Variants in LRR1 observed in about 807,000 individuals in gnomAD.
The protein encoded by LRR1 is leucine rich repeat protein 1.
Under a neutral mutation model 31.6 loss-of-function variants are expected in LRR1, and 29 were observed. The observed-to-expected ratio is 0.92, with a 90% CI of 0.68 to 1.25. The LOEUF (loss-of-function observed/expected upper bound fraction) is 1.25. Among genes scored for constraint, LRR1 ranks in the 50% most tolerant of loss-of-function variants. The probability of loss-of-function intolerance (pLI) is 0.00; values close to 1 mark genes in which losing one functional copy is unlikely to be tolerated. For synonymous variants in LRR1, 179 were observed against 181.4 expected (o/e 0.99, Z 0.10); for missense variants, 485 against 487.2 (o/e 1.00, Z 0.04).
chr14:49,599,785 C>T (rs1232008349), intron 1 of LRR1, among the ~76,000 whole-genome samples: 1 of 146,500 alleles, frequency 6.8e-6, no homozygotes, highest in African/African-American at 2.4e-5. Flanking sequence ...GGCGGGGATC[C>T]GGGCGGCGAC....
In LRR1 at chr14:49,600,902, C is replaced by T; in HGVS notation, c.184-1468C>T. 5 of 1,413,798 alleles carry T rather than the reference C, an allele frequency of 3.5e-6. No individual in the cohort carries two copies. The South Asian group carries it at 7.1e-5, about 20-fold the overall frequency. 87.6% of individuals were successfully genotyped at this position (1,413,798 alleles called of 1,614,324 possible). ...AAGCTACAATCACATCATGTTGTAA[C>T]TACATAAAAAACAGAGCTGTAGATG... On this transcript the variant is annotated intron_variant, in intron 1 of 3. Coordinates refer to ENST00000298288, the MANE Select transcript of LRR1 (RefSeq NM_152329.4).
chr14:49,601,649 G>A, intron 1 of LRR1: 1 of 1,289,484 alleles, frequency 7.8e-7, no homozygotes, highest in Middle Eastern at 2.1e-4. Context: ...AAGTTATGAA[G>A]GCAAGTAACT....
At chr14:49,610,250 T>G (rs985700563) in intron 3 of LRR1, among the ~76,000 whole-genome samples, 4 of 149,442 alleles carry the variant, frequency 2.7e-5, no homozygotes, top group Non-Finnish European at 6.0e-5. Flanking sequence ...GTTGAGGGTT[T>G]TTTTTTTTTT....
chr14:49,603,883 G>A (rs1566493183), intron 2 of LRR1, among the ~76,000 whole-genome samples: 6 of 151,072 alleles, frequency 4.0e-5, no homozygotes, highest in Middle Eastern at 3.4e-3. Flanking sequence ...TAGTAGAGAC[G>A]GGTTTCACCA....
chr14:49,608,126 G>T lies in LRR1; in HGVS notation c.1004+5G>T. On this transcript the variant is annotated splice_donor_5th_base_variant and intron_variant, in intron 3 of 3. Transcript: ENST00000298288. Reference sequence around the variant, plus strand: ...ACGAACCATATTACATAATAGGTAAGATTTTAATAGTCATGTAATGTGGTG... The same window carrying T: ...ACGAACCATATTACATAATAGGTAATATTTTAATAGTCATGTAATGTGGTG... 6.5e-7 allele frequency: 1 copy of T among 1,542,192 alleles called. No individual in the cohort carries two copies. Among genetic ancestry groups the T allele is most frequent in the Non-Finnish European group, 8.7e-7 (1 of 1,152,130 alleles).
chr14:49,613,893 G>A (rs1882605752), intron 3 of LRR1, among the ~76,000 whole-genome samples: 1 of 152,192 alleles, frequency 6.6e-6, no homozygotes, highest in South Asian at 2.1e-4. Flanking sequence ...AGCAAGGTAA[G>A]GTTAGCCTTA....
intron 3 of LRR1, among the ~76,000 whole-genome samples, chr14:49,611,224 C>G (rs1473856564): frequency 2.0e-5 from 3 of 152,148 alleles, no homozygotes; most frequent in Admixed American, 1.3e-4. Context: ...CGCCTGTAAC[C>G]CCAGCACTTT....
chr14:49,599,574 A>T (rs1394580476), intron 1 of LRR1, among the ~76,000 whole-genome samples: 1 of 152,202 alleles, frequency 6.6e-6, no homozygotes, highest in East Asian at 1.9e-4. Context: ...AAATAACTGC[A>T]GTTCTGTTCA....
intron 3 of LRR1, among the ~76,000 whole-genome samples, chr14:49,610,485 C>T (rs1336332924): frequency 2.0e-5 from 3 of 151,806 alleles, no homozygotes; most frequent in African/African-American, 7.3e-5. Flanking sequence ...GAACTCCTGG[C>T]CTCAAGCAAT....
At chr14:49,613,353 A>G (rs996467386) in intron 3 of LRR1, among the ~76,000 whole-genome samples, 1 of 151,812 alleles carries the variant, frequency 6.6e-6, no homozygotes, top group Admixed American at 6.6e-5. Flanking sequence ...AAAAAAAAAA[A>G]AATTAGCCGG....
chr14:49,608,622 A>G (rs556122363), intron 3 of LRR1, among the ~76,000 whole-genome samples: 149 of 151,390 alleles, frequency 9.8e-4, no homozygotes, highest in Middle Eastern at 3.4e-3. Flanking sequence ...TAAGCACTCA[A>G]TAAGTAGTTA....
rs775229347 is a variant in LRR1, at chr14:49,599,048, A to G, written c.28A>G (p.Ile10Val). ...GAAGCTACACTGTGAGGTGGAGGTGATCAGCCGGCACTTGCCCGCCTTGGG... is the reference window on the plus strand; with the variant it reads ...GAAGCTACACTGTGAGGTGGAGGTGGTCAGCCGGCACTTGCCCGCCTTGGG... MKLHCEVEVISRHLPALGLR... is the reference protein window; with the variant it reads MKLHCEVEVVSRHLPALGLR... The change falls in exon 1 of 4, where the codon ATC (isoleucine) becomes GTC (valine). Residue 10 changes from isoleucine to valine, a missense_variant. By Grantham distance (29) the Ile-to-Val change is conservative (BLOSUM62 3). Around this residue, in one of 3 missense-constraint regions of LRR1, gnomAD observed 260 missense variants for 249.6 expected, o/e 1.04. Coordinates refer to ENST00000298288, the MANE Select transcript of LRR1 (RefSeq NM_152329.4). 4 of 1,609,444 alleles carry G rather than the reference A, an allele frequency of 2.5e-6. No individual in the cohort carries two copies. The East Asian group carries it at 8.9e-5, about 36-fold the overall frequency.
In LRR1 at chr14:49,600,945, C is replaced by T; in HGVS notation, c.184-1425C>T. 3 of 1,551,802 alleles carry T rather than the reference C, an allele frequency of 1.9e-6. No individual in the cohort carries two copies. In the South Asian group the frequency reaches 3.6e-5, roughly 18 times the overall value. ...TGTAGATGGAACTGCTTGGCTTTGA[C>T]CATACACATTTCTGCACAGCCCTTA... is the stretch of plus-strand genomic sequence containing the variant. On this transcript the variant is annotated intron_variant, in intron 1 of 3. Transcript: ENST00000298288.
intron 3 of LRR1, chr14:49,612,426 A>G: frequency 8.5e-7 from 1 of 1,173,684 alleles, no homozygotes; most frequent in South Asian, 1.6e-5. Context: ...AAGTTATGTC[A>G]GATAGAAAAT....
intron 1 of LRR1, chr14:49,601,593 G>C: frequency 7.8e-7 from 1 of 1,285,692 alleles, no homozygotes; most frequent in Non-Finnish European, 1.0e-6. Context: ...CATGGAGTTT[G>C]TATATAACCT....
chr14:49,610,380 A>G (rs1406597688), intron 3 of LRR1, among the ~76,000 whole-genome samples: 2 of 151,450 alleles, frequency 1.3e-5, no homozygotes, highest in East Asian at 3.9e-4. Flanking sequence ...CAGCCTCCCA[A>G]GTAGCTGGGA....
At chr14:49,599,283 C>A in intron 1 of LRR1, 80 bp downstream of exon 1, 2 of 1,430,352 alleles carry the variant, frequency 1.4e-6, no homozygotes, top group South Asian at 1.4e-5. Context: ...TCCTCATGCT[C>A]CCGGCTGCTC....
chr14:49,603,454 TA>T, intron 2 of LRR1: 2 of 276,404 alleles, frequency 7.2e-6, no homozygotes, highest in Non-Finnish European at 1.1e-5. Flanking sequence ...TTTGTTGTAA[TA>T]AAAGAGGAAA....
intron 3 of LRR1, 103 bp downstream of exon 3, chr14:49,608,224 C>T (rs1311910338): frequency 3.3e-6 from 4 of 1,196,974 alleles, no homozygotes; most frequent in Non-Finnish European, 4.5e-6. Flanking sequence ...GTGCTATGCA[C>T]AGTCTGACCC....
Sources: gnomAD v4.1 joint callset for allele counts (sites outside exome capture counted in the v4.1 genomes callset) on GRCh38, gnomAD v4.1.1 for gene constraint, gnomAD v4.1.1 regional missense constraint, MANE v1.5 for transcripts, NCBI Gene and HGNC (gene_info 2026-07-23, HGNC 2026-07-21) for gene names.